The following KPNA1 variants were observed in gnomAD, a reference collection of about 807,000 sequenced individuals.
KPNA1 encodes karyopherin subunit alpha 1, also known as importin subunit alpha-5.
A neutral mutation model predicts 70.5 loss-of-function variants in KPNA1; 10 were observed. The ratio of observed to expected loss-of-function variants is 0.14; its 90% CI spans 0.09 to 0.24. KPNA1 has a LOEUF of 0.24. KPNA1 is among the 10% of genes least tolerant of loss of function. The pLI is 1.00. For synonymous variants in KPNA1, 192 were observed against 221.9 expected (o/e 0.87, Z 1.20); for missense variants, 397 against 637.9 (o/e 0.62, Z 4.07).
intron 11 of KPNA1, among the ~76,000 whole-genome samples, chr3:122,434,344 C>G (rs1187319363): frequency 6.6e-6 from 1 of 152,176 alleles, no homozygotes; most frequent in Non-Finnish European, 1.5e-5. Flanking sequence ...TCACTTTCCT[C>G]TTTTGTTCTG....
At chr3:122,461,436 A>C in intron 4 of KPNA1, 118 bp from the exon 5 acceptor site, 2 of 628,144 alleles carry the variant, frequency 3.2e-6, no homozygotes, top group Non-Finnish European at 5.7e-6. Flanking sequence ...CTGGAAATCT[A>C]CCTAAAACAA....
chr3:122,456,471 G>A (rs1039567284), intron 5 of KPNA1, among the ~76,000 whole-genome samples: 2 of 152,166 alleles, frequency 1.3e-5, no homozygotes, highest in African/African-American at 4.8e-5. Context: ...GGTATACAGG[G>A]ATATAGTACA....
chr3:122,495,695 T>C (rs1034503146), intron 2 of KPNA1, among the ~76,000 whole-genome samples: 1 of 131,634 alleles, frequency 7.6e-6, no homozygotes, highest in Non-Finnish European at 1.5e-5. Context: ...GAGGGTCAAA[T>C]GGTCCTTCAG....
At chr3:122,433,537 C>A (rs2075942364) in intron 12 of KPNA1, 124 bp downstream of exon 12, 1 of 703,176 alleles carries the variant, frequency 1.4e-6, no homozygotes, top group Non-Finnish European at 2.2e-6. Context: ...GATCGTCTCT[C>A]ACTTACTTTT....
At chr3:122,440,894 G>C (rs1457521909) in intron 10 of KPNA1, among the ~76,000 whole-genome samples, 1 of 152,212 alleles carries the variant, frequency 6.6e-6, no homozygotes, top group Non-Finnish European at 1.5e-5. Context: ...GGGGAAATGA[G>C]TTCCCTTGTG....
chr3:122,434,431 A>G (rs895852179), intron 11 of KPNA1, among the ~76,000 whole-genome samples: 7 of 150,802 alleles, frequency 4.6e-5, no homozygotes, highest in Non-Finnish European at 1.0e-4. Flanking sequence ...GTGAACTTCC[A>G]TGTGCGAAAA....
Position 122,449,743 on chromosome 3 carries a change from A to G in KPNA1, c.754-6T>C. On this transcript the variant is annotated splice_region_variant and splice_polypyrimidine_tract_variant and intron_variant, in intron 8 of 13. Transcript: ENST00000344337. ...ACATTCAGACATGGAGAAACCTGTAAAAGGAAAATGATGATTATGAAATTC... is the reference window on the plus strand; with the variant it reads ...ACATTCAGACATGGAGAAACCTGTAGAAGGAAAATGATGATTATGAAATTC... 2 of 1,600,560 alleles carry G rather than the reference A, an allele frequency of 1.2e-6. No homozygotes were observed. The highest frequency in any genetic ancestry group is 1.4e-5 in the African/African-American group (1 of 74,062).
At chr3:122,507,416 G>A (rs1222339478) in intron 1 of KPNA1, among the ~76,000 whole-genome samples, 1 of 149,174 alleles carries the variant, frequency 6.7e-6, no homozygotes, top group East Asian at 2.0e-4. Flanking sequence ...ACTCCAGCCT[G>A]GGCGACAGAG....
chr3:122,501,317 C>G (rs187374188), intron 1 of KPNA1, among the ~76,000 whole-genome samples: 1 of 152,122 alleles, frequency 6.6e-6, no homozygotes, highest in Non-Finnish European at 1.5e-5. Context: ...TAAGCCACCA[C>G]GCCCAGCATC....
intron 2 of KPNA1, among the ~76,000 whole-genome samples, chr3:122,487,191 T>G (rs898666478): frequency 6.6e-6 from 1 of 152,064 alleles, no homozygotes; most frequent in Admixed American, 6.5e-5. Context: ...ATTAGTCAAG[T>G]AACCAAATTA....
intron 1 of KPNA1, among the ~76,000 whole-genome samples, chr3:122,499,202 C>T (rs921211263): frequency 6.6e-6 from 1 of 152,168 alleles, no homozygotes; most frequent in African/African-American, 2.4e-5. Context: ...TGTCTAACTT[C>T]CCTGGCTAGA....
At chr3:122,503,894 G>C (rs1348769685) in intron 1 of KPNA1, among the ~76,000 whole-genome samples, 2 of 152,154 alleles carry the variant, frequency 1.3e-5, no homozygotes, top group Non-Finnish European at 2.9e-5. Flanking sequence ...TTCTGGAAGA[G>C]GTAAAACCAG....
In KPNA1 at chr3:122,461,307, G is replaced by A; in HGVS notation, c.349C>T (p.Pro117Ser). 6.2e-7 allele frequency: 1 copy of A among 1,609,706 alleles called. No homozygotes were observed. Among genetic ancestry groups the A allele is most frequent in the East Asian group, 2.2e-5 (1 of 44,818 alleles). The change falls in exon 5 of 14, where the codon CCT becomes TCT. Residue 117 changes from proline (P) to serine (S), a missense_variant. Transcript: ENST00000344337. ...RKLLSKEPNP[P>S]IDEVISTPGV... ...GGTGTGCTGATAACTTCATCAATAGGAGGGTTAGGTTCTGTTTCCCCATAA... is the reference window on the plus strand; with the variant it reads ...GGTGTGCTGATAACTTCATCAATAGAAGGGTTAGGTTCTGTTTCCCCATAA...
intron 1 of KPNA1, among the ~76,000 whole-genome samples, chr3:122,504,792 G>C (rs1403293886): frequency 6.6e-6 from 1 of 152,066 alleles, no homozygotes; most frequent in Non-Finnish European, 1.5e-5. Flanking sequence ...TTTAGACTTT[G>C]GGTGAGAGAG....
intron 9 of KPNA1, among the ~76,000 whole-genome samples, chr3:122,447,521 C>T (rs1310203803): frequency 6.6e-6 from 1 of 152,144 alleles, no homozygotes; most frequent in African/African-American, 2.4e-5. Context: ...TGGACCATAT[C>T]TCAAAATAAT....
At chr3:122,489,342 C>A (rs2076670799) in intron 2 of KPNA1, among the ~76,000 whole-genome samples, 1 of 151,426 alleles carries the variant, frequency 6.6e-6, no homozygotes, top group Admixed American at 6.6e-5. Context: ...CAGGCTGGAG[C>A]ACAGTGGCAC....
chr3:122,485,375 GGTAA>G (rs2076617799), intron 2 of KPNA1, among the ~76,000 whole-genome samples: 1 of 151,890 alleles, frequency 6.6e-6, no homozygotes, highest in Non-Finnish European at 1.5e-5. Context: ...TATGGTCAAC[GGTAA>G]GTGTTTCCAA....
rs138043336 is a variant in KPNA1, at chr3:122,437,024, C to T, written c.1122+146G>A. On this transcript the variant is annotated intron_variant, in intron 11 of 13. Coordinates refer to ENST00000344337, the MANE Select transcript of KPNA1 (RefSeq NM_002264.4). ...TGAACTCCTGACCGCAAGTGATCCA[C>T]GGGCCTCAGCCTCCCAGAGTGCTGG... 1,463 of 700,898 alleles carry T rather than the reference C, an allele frequency of 2.1e-3. 4 individuals are homozygous for T. Among genetic ancestry groups the T allele is most frequent in the Non-Finnish European group, 2.5e-3 (1,067 of 423,228 alleles). 43.4% of individuals were successfully genotyped at this position (700,898 alleles called of 1,614,324 possible).
At chr3:122,470,625 T>C (rs972281756) in intron 2 of KPNA1, among the ~76,000 whole-genome samples, 9 of 152,068 alleles carry the variant, frequency 5.9e-5, no homozygotes, top group African/African-American at 1.4e-4. Flanking sequence ...GATTATCTTA[T>C]AGTAAGATAC....
Sources: gnomAD v4.1 joint callset for allele counts (sites outside exome capture counted in the v4.1 genomes callset) on GRCh38, gnomAD v4.1.1 for gene constraint, MANE v1.5 for transcripts, NCBI Gene and HGNC (gene_info 2026-07-23, HGNC 2026-07-21) for gene names.